The following TTC6 variants were observed in gnomAD, a reference collection of about 807,000 sequenced individuals.
TTC6 encodes tetratricopeptide repeat protein 6.
TTC6 carries 172 observed loss-of-function variants against 210.4 expected under a neutral mutation model. That is an observed-to-expected ratio of 0.82 (90% CI 0.72 to 0.93). The LOEUF (loss-of-function observed/expected upper bound fraction) is 0.93. TTC6 is among the 40% of genes least tolerant of loss of function. TTC6 has a pLI of 0.00. For missense variants in TTC6, 2,414 were observed against 2,318.1 expected (o/e 1.04, Z -0.85); for synonymous variants, 804 against 819.6 (o/e 0.98, Z 0.32).
chr14:37,715,042 G>A (rs1269635266), intron 6 of TTC6, among the ~76,000 whole-genome samples: 2 of 152,064 alleles, frequency 1.3e-5, no homozygotes, highest in Non-Finnish European at 2.9e-5. Context: ...GGTGGCACAC[G>A]TCTGTGGTCC....
intron 14 of TTC6, among the ~76,000 whole-genome samples, chr14:37,771,362 C>T (rs1440083746): frequency 7.2e-5 from 11 of 152,156 alleles, no homozygotes; most frequent in East Asian, 5.8e-4. Flanking sequence ...CCTTGCTAGA[C>T]TGGGGAAGTT....
At chr14:37,733,079 G>A (rs192153705) in intron 7 of TTC6, among the ~76,000 whole-genome samples, 157 of 152,264 alleles carry the variant, frequency 1.0e-3, no homozygotes, top group African/African-American at 3.8e-3. Context: ...ACTTATTCCT[G>A]TGGCTGTTTC....
intron 20 of TTC6, among the ~76,000 whole-genome samples, chr14:37,800,404 G>A (rs2096103685): frequency 6.6e-6 from 1 of 152,154 alleles, no homozygotes; most frequent in Non-Finnish European, 1.5e-5. Context: ...AGAAAGGAGA[G>A]ATAAGTTAAG....
chr14:37,691,580 A>G (rs1438685731), intron 3 of TTC6, among the ~76,000 whole-genome samples: 3 of 152,198 alleles, frequency 2.0e-5, no homozygotes, highest in South Asian at 2.1e-4. Flanking sequence ...GTAAGTGCTT[A>G]CATCAAAAAA....
intron 1 of TTC6, 119 bp downstream of exon 3, chr14:37,623,122 A>G (rs902412674): frequency 2.9e-6 from 2 of 688,802 alleles, no homozygotes; most frequent in Non-Finnish European, 4.4e-6. Context: ...GTATTATAAC[A>G]CAAAAACACT....
intron 6 of TTC6, among the ~76,000 whole-genome samples, chr14:37,717,169 C>CAAA (rs1274265858): frequency 0.05 from 7,510 of 150,930 alleles, 281 homozygotes; most frequent in Non-Finnish European, 0.076. Flanking sequence ...AAGAACCCCC[C>CAAA]AAAAAAAGAG....
At chr14:37,722,318 C>G (rs1440521867) in intron 6 of TTC6, among the ~76,000 whole-genome samples, 1 of 152,134 alleles carries the variant, frequency 6.6e-6, no homozygotes, top group Non-Finnish European at 1.5e-5. Context: ...TAGGACTCTT[C>G]TCAGAAAGTT....
chr14:37,622,676 G>A (rs1428293031), exon 1 of TTC6: 3 of 1,535,162 alleles, frequency 2.0e-6, no homozygotes, highest in Non-Finnish European at 2.6e-6. Flanking sequence ...AAGAGAGGAA[G>A]GCCAGCTCCG....
intron 1 of TTC6, among the ~76,000 whole-genome samples, chr14:37,600,154 G>A (rs1221355968): frequency 6.6e-6 from 1 of 152,304 alleles, no homozygotes; most frequent in African/African-American, 2.4e-5. Context: ...TTAGGTATCC[G>A]TTAGAGCAGA....
chr14:37,691,817 G>A (rs2095804078), intron 3 of TTC6, among the ~76,000 whole-genome samples: 2 of 152,016 alleles, frequency 1.3e-5, no homozygotes, highest in Non-Finnish European at 2.9e-5. Flanking sequence ...AAAGAAGACA[G>A]AAGATCCAAA....
At chr14:37,823,723 A>G (rs767278650) in intron 26 of TTC6, 24 bp from the exon 29 acceptor site, 12 of 1,597,978 alleles carry the variant, frequency 7.5e-6, no homozygotes, top group Middle Eastern at 1.7e-4. Flanking sequence ...ACCAGAAGGC[A>G]TCAATATTTT....
exon 30 of TTC6, chr14:37,841,661 C>T: frequency 1.9e-6 from 3 of 1,599,580 alleles, no homozygotes; most frequent in East Asian, 2.3e-5. Flanking sequence ...TGAGGAAGAC[C>T]TTAATAAAGG....
intron 25 of TTC6, among the ~76,000 whole-genome samples, chr14:37,812,810 A>G (rs1453538494): frequency 6.6e-6 from 1 of 152,164 alleles, no homozygotes; most frequent in African/African-American, 2.4e-5. Flanking sequence ...TAGCAAAATA[A>G]ATCTGTTTCA....
intron 21 of TTC6, among the ~76,000 whole-genome samples, chr14:37,805,586 T>C (rs1254695523): frequency 1.3e-5 from 2 of 152,174 alleles, no homozygotes; most frequent in African/African-American, 2.4e-5. Context: ...ATGAGACAAA[T>C]TACAAATATT....
intron 1 of TTC6, among the ~76,000 whole-genome samples, chr14:37,629,775 C>T (rs1158670043): frequency 2.6e-5 from 4 of 152,074 alleles, no homozygotes; most frequent in South Asian, 2.1e-4. Context: ...TTTTGAGATA[C>T]GTCCCATCAA....
At chr14:37,812,568 C>A in intron 25 of TTC6, 135 bp downstream of exon 27, 1 of 848,746 alleles carries the variant, frequency 1.2e-6, no homozygotes, top group Non-Finnish European at 1.7e-6. Flanking sequence ...TATTAAAATA[C>A]TTGAAATGAC....
intron 1 of TTC6, among the ~76,000 whole-genome samples, chr14:37,672,271 G>A (rs762050222): frequency 1.3e-5 from 2 of 152,026 alleles, no homozygotes; most frequent in African/African-American, 2.4e-5. Context: ...TTTTTCACTA[G>A]TGTAACTAAA....
intron 10 of TTC6, 110 bp from the exon 13 acceptor site, chr14:37,748,829 A>G (rs2095943518): frequency 1.3e-6 from 1 of 780,720 alleles, no homozygotes; most frequent in Non-Finnish European, 1.9e-6. Context: ...ATTAGCATGT[A>G]ATTTTGTTTT....
chr14:37,738,807 A>G, exon 10 of TTC6: 1 of 1,518,996 alleles, frequency 6.6e-7, no homozygotes, highest in South Asian at 1.3e-5. Flanking sequence ...TTGAGGAAGG[A>G]GAAGATCATA....
Sources: allele counts gnomAD v4.1 joint callset (sites outside exome capture counted in the v4.1 genomes callset), GRCh38; gene constraint gnomAD v4.1.1; transcripts MANE v1.5; gene names NCBI Gene and HGNC (gene_info 2026-07-23, HGNC 2026-07-21).